COPB2: variants seen among roughly 807,000 people sequenced by gnomAD.
The protein encoded by COPB2 is coat protein complex I subunit beta 2, also known as coatomer subunit beta'.
Under a neutral mutation model 120.8 loss-of-function variants are expected in COPB2, and 16 were observed. The observed-to-expected ratio is 0.13, with a 90% CI of 0.09 to 0.20. The LOEUF is 0.20. COPB2 is among the 10% of genes least tolerant of loss of function. The pLI is 1.00. For synonymous variants in COPB2, 332 were observed against 366.3 expected, an observed-to-expected ratio of 0.91 and a Z score of 1.07; for missense variants, 794 against 1,076.5, an observed-to-expected ratio of 0.74 and a Z score of 3.67.
chr3:139,381,268 C>T (rs1941806512), intron 2 of COPB2: 1 of 152,236 alleles, frequency 6.6e-6, no homozygotes, highest in Non-Finnish European at 1.5e-5. Flanking sequence ...CTGCATGTAC[C>T]ACCTCAAAGA....
At position 139,358,212 on chromosome 3, in the gene COPB2, G is replaced by A. The variant is rs748267257; in HGVS notation, c.2613C>T (p.Asn871=). 3.1e-6 allele frequency: 5 copies of A among 1,614,086 alleles called. No homozygotes were observed. The South Asian group carries it at 5.5e-5, about 18-fold the overall frequency. Residue 871 remains asparagine, a synonymous_variant, in exon 21 of 22, where the codon AAC becomes AAT. Coordinates refer to ENST00000333188, the MANE Select transcript of COPB2 (RefSeq NM_004766.3). ...TPVIVASHTA[N]KEEKSLLELE... Reference sequence around the variant, plus strand: ...ATGTCTGACCTACCTTTTCTTCTTTGTTGGCTGTGTGGGAGGCCACAATAA... The same window carrying A: ...ATGTCTGACCTACCTTTTCTTCTTTATTGGCTGTGTGGGAGGCCACAATAA...
intron 1 of COPB2, among the ~76,000 whole-genome samples, chr3:139,384,043 T>C (rs948654187): frequency 1.3e-5 from 2 of 152,210 alleles, no homozygotes; most frequent in Non-Finnish European, 2.9e-5. Context: ...AGATACCTAG[T>C]TGGAAAGTGA....
rs763548595 is a variant in COPB2, at chr3:139,358,251, A to G, written c.2574T>C (p.Ala858=). The part of the protein sequence containing the change: ...TAQQELDGKP[A]SPTPVIVASH... ...AGGCCACAATAACCGGAGTAGGAGA[A>G]GCAGGTTTCCCATCAAGTTCCTGAA... Residue 858 remains alanine (A), a synonymous_variant, in exon 21 of 22, where the codon GCT becomes GCC. Transcript: ENST00000333188. 9.9e-6 allele frequency: 16 copies of G among 1,614,028 alleles called. No individual in the cohort carries two copies. The highest frequency in any genetic ancestry group is 3.4e-6 in the Non-Finnish European group (4 of 1,180,006).
intron 10 of COPB2, 75 bp downstream of exon 10, chr3:139,371,648 G>T: frequency 1.6e-6 from 2 of 1,244,092 alleles, no homozygotes; most frequent in Non-Finnish European, 2.3e-6. Context: ...CCCACATCAA[G>T]CCTTGAGAGT....
At chr3:139,369,435 T>A (rs201076692) in intron 11 of COPB2, 21 bp downstream of exon 11, 1 of 1,605,932 alleles carries the variant, frequency 6.2e-7, no homozygotes, top group East Asian at 2.2e-5. Flanking sequence ...TAAAAATGTA[T>A]CATATGTAGA....
chr3:139,382,829 G>A (rs1343615524), intron 2 of COPB2: 2 of 176,766 alleles, frequency 1.1e-5, no homozygotes, highest in Non-Finnish European at 2.4e-5. Context: ...CAGACAATCT[G>A]TAAGATGTGT....
chr3:139,366,834 C>G, intron 14 of COPB2, 59 bp from the exon 15 acceptor site: 2 of 1,553,638 alleles, frequency 1.3e-6, no homozygotes, highest in Non-Finnish European at 1.8e-6. Flanking sequence ...CAAACACACA[C>G]CCCGCCAATC....
chr3:139,384,807 C>A (rs576151229), intron 1 of COPB2, among the ~76,000 whole-genome samples: 1 of 152,344 alleles, frequency 6.6e-6, no homozygotes, highest in Non-Finnish European at 1.5e-5. Flanking sequence ...TGTCACTTCA[C>A]TAGCAGTTTT....
chr3:139,386,879 C>T (rs1159284309), intron 1 of COPB2, among the ~76,000 whole-genome samples: 5 of 151,980 alleles, frequency 3.3e-5, no homozygotes, highest in Admixed American at 6.6e-5. Flanking sequence ...CCTCTACATA[C>T]TCCCAAAGCA....
At chr3:139,372,974 TTAAC>T (rs1444890124) in intron 9 of COPB2, among the ~76,000 whole-genome samples, 12 of 152,236 alleles carry the variant, frequency 7.9e-5, no homozygotes, top group Admixed American at 7.2e-4. Flanking sequence ...AAACTACTAT[TTAAC>T]TATTCAAAAT....
rs771873471 is a variant in COPB2 at position 139,357,453 on chromosome 3, G to GACA, written c.*407_*409dup. ...ATTCAGCTCTAAGAAAAATGTGATT[G>GACA]ACAACATTTGAAAATGCAGATTTAG... On this transcript the variant is annotated 3_prime_UTR_variant, in exon 22 of 22. Transcript: ENST00000333188. 10 of 179,936 alleles carry GACA rather than the reference G, an allele frequency of 5.6e-5. No homozygotes were observed. Among genetic ancestry groups the GACA allele is most frequent in the Middle Eastern group, 2.5e-3 (1 of 402 alleles). The allele number at this position is 179,936 out of a possible 1,614,324, so 11.1% of individuals were successfully genotyped here. A position where few individuals can be genotyped will look rare whatever the true frequency, so the allele number is the denominator to read the frequency against.
In COPB2 at chr3:139,374,367, G is replaced by C. The variant is rs182280836; in HGVS notation, c.751+122C>G. ...CTTTACTCTTTTATAGCTTAAGTCT[G>C]GTACTTTAATAAAAATATCAAAATC... On this transcript the variant is annotated intron_variant, in intron 7 of 21. Coordinates refer to ENST00000333188, the MANE Select transcript of COPB2 (RefSeq NM_004766.3). 3.4e-5 allele frequency: 25 copies of C among 737,904 alleles called. No homozygotes were observed. In the Admixed American group the frequency reaches 5.2e-4, roughly 15 times the overall value. The allele number at this position is 737,904 out of a possible 1,614,324, so 45.7% of individuals were successfully genotyped here. A position where few individuals can be genotyped will look rare whatever the true frequency, so the allele number is the denominator to read the frequency against.
At chr3:139,379,796 G>A in intron 2 of COPB2, 1 of 250,262 alleles carries the variant, frequency 4.0e-6, no homozygotes, top group Non-Finnish European at 7.7e-6. Flanking sequence ...TCTCTGACTT[G>A]AAAATCCACC....
chr3:139,389,679 T>A, upstream of COPB2: 1 of 1,021,834 alleles, frequency 9.8e-7, no homozygotes, highest in Non-Finnish European at 1.4e-6. Context: ...CTCGCGATAG[T>A]CAGAGGCCAG....
At chr3:139,357,996 T>A in intron 21 of COPB2, 38 bp from the exon 22 acceptor site, 1 of 1,282,722 alleles carries the variant, frequency 7.8e-7, no homozygotes, top group Non-Finnish European at 1.1e-6. Flanking sequence ...AGTTTTACAG[T>A]ACTGTTAAAG....
chr3:139,374,603 T>C lies in COPB2; in HGVS notation c.652-15A>G, dbSNP rs745740638. The stretch of plus-strand genomic sequence containing the variant: ...CATGTTTTATTCTGTAATTAAGACA[T>C]AGAAAACATGTTTTATTAATGAAAA... On this transcript the variant is annotated splice_polypyrimidine_tract_variant and intron_variant, in intron 6 of 21. Transcript: ENST00000333188. The C allele has an allele frequency of 1.8e-5, 29 of 1,601,748 alleles. No homozygotes were observed. Among genetic ancestry groups the C allele is most frequent in the Non-Finnish European group, 2.3e-5 (27 of 1,169,972 alleles).
At chr3:139,379,524 A>C (rs1941770829) in intron 2 of COPB2, 58 bp from the exon 3 acceptor site, 2 of 1,354,280 alleles carry the variant, frequency 1.5e-6, no homozygotes, top group Admixed American at 3.6e-5. Context: ...CACAAAATCT[A>C]CTCTGTTATA....
At chr3:139,363,744 A>G (rs188997995) in intron 15 of COPB2, among the ~76,000 whole-genome samples, 5 of 152,290 alleles carry the variant, frequency 3.3e-5, no homozygotes, top group East Asian at 1.9e-4. Flanking sequence ...CTGTCTGGCT[A>G]TATCTTCAGG....
Position 139,389,635 on chromosome 3 carries a change from A to C in COPB2, c.-85T>G. 7.2e-7 allele frequency: 1 copy of C among 1,386,022 alleles called. No homozygotes were observed. The highest frequency in any genetic ancestry group is 9.9e-7 in the Non-Finnish European group (1 of 1,011,020). 85.9% of individuals were successfully genotyped at this position (1,386,022 alleles called of 1,614,324 possible). On this transcript the variant is annotated 5_prime_UTR_variant, in exon 1 of 22. Transcript: ENST00000333188. ...TAAACCCACCGATCCACTGACCGTC[A>C]GACTGACTGACGTGGAACTTCCGGG...
Sources: allele counts gnomAD v4.1 joint callset (sites outside exome capture counted in the v4.1 genomes callset), GRCh38; gene constraint gnomAD v4.1.1; transcripts MANE v1.5; gene names NCBI Gene and HGNC (gene_info 2026-07-23, HGNC 2026-07-21).